The following IGSF10 variants were observed in gnomAD, a reference collection of about 807,000 sequenced individuals.
The protein encoded by IGSF10 is immunoglobulin superfamily member 10.
Under a neutral mutation model 128.2 loss-of-function variants are expected in IGSF10, and 126 were observed. The observed-to-expected ratio is 0.98, with a 90% CI of 0.85 to 1.14. The LOEUF (loss-of-function observed/expected upper bound fraction) is 1.14. IGSF10 is among the 50% of genes most tolerant of loss of function. The pLI is 0.00. For missense variants in IGSF10, 3,295 were observed against 3,149.8 expected, an observed-to-expected ratio of 1.05 and a Z score of -1.10; for synonymous variants, 1,185 against 1,146.2, an observed-to-expected ratio of 1.03 and a Z score of -0.68.
At chr3:151,511,203 G>T in the IGSF10 span, among the ~76,000 whole-genome samples, 12 of 152,124 alleles carry the variant, frequency 7.9e-5, no homozygotes, top group Non-Finnish European at 1.8e-4. Context: ...AATGTTAAGG[G>T]CAGCCAGAGA....
At chr3:151,480,220 A>C in the IGSF10 span, among the ~76,000 whole-genome samples, 1 of 152,196 alleles carries the variant, frequency 6.6e-6, no homozygotes, top group African/African-American at 2.4e-5. Context: ...AGAACAGCAA[A>C]GCAGCAGCAG....
rs143102098 is a variant in IGSF10, at chr3:151,446,244, T to C, written c.3737A>G (p.Lys1246Arg). 6.2e-7 allele frequency: 1 copy of C among 1,613,756 alleles called. No individual in the cohort carries two copies. The highest frequency in any genetic ancestry group is 1.1e-5 in the South Asian group (1 of 91,062). ...TGTGGTGAAATGGAAAGGGGAGACT[T>C]TGTCTCTGGGTAAAGCAGGAGATGT... ...PKTSPALPRDKVSPFHFTTLS... is the reference protein window; with the variant it reads ...PKTSPALPRDRVSPFHFTTLS... Residue 1246 changes from lysine (K) to arginine (R), a missense_variant, in exon 6 of 8, where the codon AAA becomes AGA. By Grantham distance (26) the Lys-to-Arg change is conservative. Coordinates refer to ENST00000282466, the MANE Select transcript of IGSF10 (RefSeq NM_178822.5).
At chr3:151,466,137 A>G in the IGSF10 span, among the ~76,000 whole-genome samples, 18 of 152,190 alleles carry the variant, frequency 1.2e-4, no homozygotes, top group Non-Finnish European at 2.1e-4. Flanking sequence ...TCCTTGTTCA[A>G]TTAAACTTTG....
At chr3:151,616,790 T>C in the IGSF10 span, among the ~76,000 whole-genome samples, 1 of 152,228 alleles carries the variant, frequency 6.6e-6, no homozygotes, top group Non-Finnish European at 1.5e-5. Context: ...ATGCGTCTTA[T>C]TCTGTTTTCT....
At chr3:151,525,309 G>A in the IGSF10 span, among the ~76,000 whole-genome samples, 1 of 152,090 alleles carries the variant, frequency 6.6e-6, no homozygotes, top group African/African-American at 2.4e-5. Context: ...TGCATAACAT[G>A]TACATTTTAA....
the IGSF10 span, among the ~76,000 whole-genome samples, chr3:151,547,419 A>AATAT: frequency 0.02 from 2,886 of 141,618 alleles, 28 homozygotes; most frequent in South Asian, 0.025. Flanking sequence ...ATATTATATA[A>AATAT]ATATATATAT....
the IGSF10 span, among the ~76,000 whole-genome samples, chr3:151,591,276 G>C: frequency 4.0e-5 from 6 of 151,112 alleles, no homozygotes; most frequent in African/African-American, 1.5e-4. Context: ...TCTGCTATTA[G>C]GCAACCAGAG....
At chr3:151,438,640 A>G (rs1720615458) in intron 7 of IGSF10, 43 bp from the exon 8 acceptor site, 3 of 1,503,816 alleles carry the variant, frequency 2.0e-6, no homozygotes, top group Non-Finnish European at 2.7e-6. Flanking sequence ...GCTGTTAGCA[A>G]TGAGGGAAAC....
chr3:151,461,308 A>G, upstream of IGSF10: 1 of 985,216 alleles, frequency 1.0e-6, no homozygotes, highest in Non-Finnish European at 1.2e-6. Context: ...GACCTCTTCC[A>G]CCTGTTGACA....
At chr3:151,515,357 C>T in the IGSF10 span, among the ~76,000 whole-genome samples, 1 of 150,734 alleles carries the variant, frequency 6.6e-6, no homozygotes, top group Admixed American at 6.6e-5. Flanking sequence ...TCTCAGCAAA[C>T]TATCGCAAGG....
chr3:151,466,082 A>C, the IGSF10 span, among the ~76,000 whole-genome samples: 1 of 152,088 alleles, frequency 6.6e-6, no homozygotes, highest in Non-Finnish European at 1.5e-5. Flanking sequence ...GTCTCTCTGA[A>C]TCTGCGGTAT....
chr3:151,443,485 A>G lies in IGSF10; in HGVS notation c.5462T>C (p.Val1821Ala). The change falls in exon 7 of 8, where the codon GTG becomes GCG. Residue 1821 changes from valine to alanine, a missense_variant. By Grantham distance (64) the Val-to-Ala change is moderately conservative (BLOSUM62 0). Coordinates refer to ENST00000282466, the MANE Select transcript of IGSF10 (RefSeq NM_178822.5). ...ATCCTGGCCACCTGGGTTGCTGGCC[A>G]CACATTTGTAAAAGCCACGGTCATA... ...SIYDRGFYKCVASNPGGQDSL... is the reference protein window; with the variant it reads ...SIYDRGFYKCAASNPGGQDSL... The G allele has an allele frequency of 6.2e-7, 1 of 1,614,196 alleles. No individual in the cohort carries two copies. The highest frequency in any genetic ancestry group is 8.5e-7 in the Non-Finnish European group (1 of 1,180,014).
chr3:151,563,728 T>A, the IGSF10 span, among the ~76,000 whole-genome samples: 1 of 152,222 alleles, frequency 6.6e-6, no homozygotes, highest in Non-Finnish European at 1.5e-5. Context: ...GCCTGCCTTA[T>A]GATATTTTAT....
the IGSF10 span, among the ~76,000 whole-genome samples, chr3:151,493,586 A>T: frequency 6.6e-6 from 1 of 152,180 alleles, no homozygotes; most frequent in African/African-American, 2.4e-5. Flanking sequence ...AGAATGCTAA[A>T]ATGCTGTAAT....
chr3:151,451,361 C>A (rs1186253872), intron 5 of IGSF10, among the ~76,000 whole-genome samples: 1 of 152,128 alleles, frequency 6.6e-6, no homozygotes, highest in East Asian at 1.9e-4. Flanking sequence ...CTTCTTATAT[C>A]CTACTTTTTC....
the IGSF10 span, among the ~76,000 whole-genome samples, chr3:151,617,260 C>CTTCTTCTTCT: frequency 9.7e-4 from 54 of 55,708 alleles, no homozygotes; most frequent in Non-Finnish European, 1.2e-3. Context: ...TCTTCTCCTT[C>CTTCTTCTTCT]TCTTCTTCTT....
At chr3:151,579,872 A>G in the IGSF10 span, among the ~76,000 whole-genome samples, 8 of 98,436 alleles carry the variant, frequency 8.1e-5, no homozygotes, top group Admixed American at 6.3e-4. Flanking sequence ...GAAGGGAGGA[A>G]GGAAAGGAAG....
chr3:151,453,795 C>A, intron 4 of IGSF10, 21 bp from the exon 5 acceptor site: 1 of 1,401,796 alleles, frequency 7.1e-7, no homozygotes, highest in Non-Finnish European at 9.7e-7. Context: ...AAAAAAAGAA[C>A]ATATTTATGT....
chr3:151,464,534 G>A (rs765390845), upstream of IGSF10, among the ~76,000 whole-genome samples: 3 of 152,020 alleles, frequency 2.0e-5, no homozygotes, highest in Admixed American at 6.6e-5. Flanking sequence ...TCAACCAAGC[G>A]CAAGCAGTTA....
Sources: gnomAD v4.1 joint callset for allele counts (sites outside exome capture counted in the v4.1 genomes callset) on GRCh38, gnomAD v4.1.1 for gene constraint, MANE v1.5 for transcripts, NCBI Gene and HGNC (gene_info 2026-07-23, HGNC 2026-07-21) for gene names.